Variants in SLC5A8 observed in about 807,000 individuals in gnomAD.
SLC5A8 encodes the protein sodium-coupled monocarboxylate transporter 1.
A neutral mutation model predicts 71.9 loss-of-function variants in SLC5A8; 55 were observed. The observed-to-expected ratio is 0.77, with a 90% CI of 0.62 to 0.96. The LOEUF is 0.96. Among genes scored for constraint, SLC5A8 ranks in the 40% least tolerant of loss-of-function variants. The pLI is 0.00. For missense variants in SLC5A8, 701 were observed against 745.3 expected, an observed-to-expected ratio of 0.94 and a Z score of 0.69; for synonymous variants, 307 against 276.1, an observed-to-expected ratio of 1.11 and a Z score of -1.11.
intron 1 of SLC5A8, among the ~76,000 whole-genome samples, chr12:101,207,466 A>G (rs1271824050): frequency 2.0e-5 from 3 of 152,224 alleles, no homozygotes; most frequent in Non-Finnish European, 4.4e-5. Context: ...TTCAGCATTC[A>G]ATGAACTTTT....
At chr12:101,207,181 C>T (rs1869711828) in intron 1 of SLC5A8, among the ~76,000 whole-genome samples, 2 of 152,186 alleles carry the variant, frequency 1.3e-5, no homozygotes, top group Admixed American at 1.3e-4. Flanking sequence ...GCAGTGTGCC[C>T]ACAACTTCAC....
At chr12:101,176,178 A>T (rs2051878248) in intron 10 of SLC5A8, among the ~76,000 whole-genome samples, 1 of 152,052 alleles carries the variant, frequency 6.6e-6, no homozygotes, top group South Asian at 2.1e-4. Flanking sequence ...ACCATTAATC[A>T]ATGGAAAGTA....
intron 9 of SLC5A8, 139 bp from the exon 10 acceptor site, chr12:101,180,235 G>T (rs1326272624): frequency 5.9e-6 from 5 of 841,098 alleles, no homozygotes; most frequent in Non-Finnish European, 9.9e-6. Flanking sequence ...CAGAGCCAGT[G>T]AATAAAGGAA....
intron 11 of SLC5A8, 118 bp from the exon 12 acceptor site, chr12:101,166,817 C>T (rs2051776145): frequency 1.2e-6 from 1 of 833,630 alleles, no homozygotes; most frequent in South Asian, 1.9e-5. Flanking sequence ...AGGGCAGAAA[C>T]ATTCAACGCT....
intron 7 of SLC5A8, 51 bp downstream of exon 7, chr12:101,187,335 A>C: frequency 6.4e-7 from 1 of 1,554,978 alleles, no homozygotes. Flanking sequence ...CTCAACTAAT[A>C]AGCTTTTTGA....
chr12:101,205,112 T>C (rs567811018), intron 1 of SLC5A8, among the ~76,000 whole-genome samples: 1 of 152,168 alleles, frequency 6.6e-6, no homozygotes, highest in African/African-American at 2.4e-5. Context: ...GGAAATCACA[T>C]GATCCCAGCT....
rs1181724446 is a variant in SLC5A8, at chr12:101,209,760, A to G, written c.89T>C (p.Ile30Thr). The G allele has an allele frequency of 6.2e-7, 1 of 1,611,672 alleles. No homozygotes were observed. Among genetic ancestry groups the G allele is most frequent in the Non-Finnish European group, 8.5e-7 (1 of 1,179,038 alleles). The change falls in exon 1 of 15, where the codon ATC (isoleucine) becomes ACC (threonine). Residue 30 changes from isoleucine to threonine, a missense_variant. Ile to Thr is a moderately conservative substitution (Grantham distance 89, BLOSUM62 -1). Coordinates refer to ENST00000536262, the MANE Select transcript of SLC5A8 (RefSeq NM_145913.5). ...GCCGCCCCCAGCGAAGGCGTAGTAGATGCCGATGGCGGCCGAGATGACCAG... is the reference window on the plus strand; with the variant it reads ...GCCGCCCCCAGCGAAGGCGTAGTAGGTGCCGATGGCGGCCGAGATGACCAG... ...GMLVISAAIG[I>T]YYAFAGGGQQ...
intron 13 of SLC5A8, among the ~76,000 whole-genome samples, chr12:101,158,596 CTCTATATATATATATATA>C (rs2051695018): frequency 5.7e-5 from 1 of 17,690 alleles, no homozygotes; most frequent in East Asian, 2.0e-3. Flanking sequence ...CTCTCTCTCT[CTCTATATATATATATATA>C]TATATATATA....
At chr12:101,209,339 C>G (rs1186578153) in intron 1 of SLC5A8, among the ~76,000 whole-genome samples, 159 bp downstream of exon 1, 2 of 151,946 alleles carry the variant, frequency 1.3e-5, no homozygotes, top group Non-Finnish European at 2.9e-5. Flanking sequence ...AGGTGAAGAT[C>G]GGGGGACGGG....
At chr12:101,160,453 T>C (rs1374323710) in intron 13 of SLC5A8, among the ~76,000 whole-genome samples, 1 of 152,228 alleles carries the variant, frequency 6.6e-6, no homozygotes, top group Non-Finnish European at 1.5e-5. Context: ...GGCACAGTGC[T>C]GGCAGCTTTG....
rs941468617 is a variant in SLC5A8 at position 101,168,022 on chromosome 12, A to G, written c.1320+74T>C. ...CTAATGACAAATCTCAAAGGAACCAACTGAGAAAAAAGTGTAGAGCTGCTA... is the reference window on the plus strand; with the variant it reads ...CTAATGACAAATCTCAAAGGAACCAGCTGAGAAAAAAGTGTAGAGCTGCTA... On this transcript the variant is annotated intron_variant, in intron 11 of 14. Transcript: ENST00000536262. 4 of 1,363,228 alleles carry G rather than the reference A, an allele frequency of 2.9e-6. No individual in the cohort carries two copies. The African/African-American group carries it at 5.8e-5, about 20-fold the overall frequency. The allele number at this position is 1,363,228 out of a possible 1,614,324, so 84.4% of individuals were successfully genotyped here. A position where few individuals can be genotyped will look rare whatever the true frequency, so the allele number is the denominator to read the frequency against.
intron 3 of SLC5A8, among the ~76,000 whole-genome samples, chr12:101,201,062 CA>C (rs1869438713): frequency 6.6e-6 from 1 of 152,168 alleles, no homozygotes; most frequent in Non-Finnish European, 1.5e-5. Flanking sequence ...CTGATAAGAA[CA>C]GAATGCTTGA....
rs1455729167 is a variant in SLC5A8 at position 101,187,393 on chromosome 12, G to T, written c.956C>A (p.Pro319Gln). The T allele has an allele frequency of 1.9e-6, 3 of 1,613,474 alleles. No homozygotes were observed. The South Asian group carries it at 3.3e-5, about 18-fold the overall frequency. The change falls in exon 7 of 15, where the codon CCA becomes CAA. Residue 319 changes from proline to glutamine, a missense_variant. Coordinates refer to ENST00000536262, the MANE Select transcript of SLC5A8 (RefSeq NM_145913.5). Reference protein sequence around the residue: ...DPWTAKKVSAPDQLMPYLVLD... With the variant: ...DPWTAKKVSAQDQLMPYLVLD... ...AAAGACATGGTACTGAACCTGGTCT[G>T]GTGCAGACACTTTCTTGGCTGTCCA...
intron 10 of SLC5A8, among the ~76,000 whole-genome samples, chr12:101,174,593 G>A (rs981657993): frequency 6.6e-6 from 1 of 152,144 alleles, no homozygotes; most frequent in African/African-American, 2.4e-5. Context: ...CTGCATCTGT[G>A]CTGAGGTGGC....
intron 1 of SLC5A8, 132 bp downstream of exon 1, chr12:101,209,366 G>T (rs1394801321): frequency 2.2e-5 from 15 of 677,926 alleles, no homozygotes; most frequent in Non-Finnish European, 3.7e-5. Context: ...TGAAGGGAGG[G>T]TGATGATGAC....
At chr12:101,158,866 C>T (rs1004285292) in intron 13 of SLC5A8, among the ~76,000 whole-genome samples, 2 of 148,526 alleles carry the variant, frequency 1.3e-5, no homozygotes, top group South Asian at 2.1e-4. Context: ...GCAGGCAATT[C>T]GGAACTGCTG....
chr12:101,184,318 G>T, intron 7 of SLC5A8, 96 bp from the exon 8 acceptor site: 1 of 988,852 alleles, frequency 1.0e-6, no homozygotes, highest in Non-Finnish European at 1.5e-6. Flanking sequence ...TTCGGGAACT[G>T]AAAGGAGTTA....
intron 2 of SLC5A8, 123 bp downstream of exon 2, chr12:101,204,377 T>G: frequency 1.3e-6 from 1 of 798,324 alleles, no homozygotes; most frequent in Non-Finnish European, 2.1e-6. Context: ...TCCTTTTTTG[T>G]TCCCTCATTT....
rs757572646 is a variant in SLC5A8, at chr12:101,209,785, G to T, written c.64C>A (p.Leu22Met). The stretch of plus-strand genomic sequence containing the variant: ...ATGCCGATGGCGGCCGAGATGACCA[G>T]CATGCCCGCGAACACCACGTAGTCC... ...VWDYVVFAGM[L>M]VISAAIGIYY... Residue 22 changes from leucine to methionine, a missense_variant, in exon 1 of 15, where the codon CTG becomes ATG. Coordinates refer to ENST00000536262, the MANE Select transcript of SLC5A8 (RefSeq NM_145913.5). 6.2e-7 allele frequency: 1 copy of T among 1,607,762 alleles called. No individual in the cohort carries two copies. Among genetic ancestry groups the T allele is most frequent in the Non-Finnish European group, 8.5e-7 (1 of 1,176,870 alleles).
Sources: allele counts gnomAD v4.1 joint callset (sites outside exome capture counted in the v4.1 genomes callset), GRCh38; gene constraint gnomAD v4.1.1; transcripts MANE v1.5; gene names NCBI Gene and HGNC (gene_info 2026-07-23, HGNC 2026-07-21).